SLC25A21: variants seen among roughly 807,000 people sequenced by gnomAD.
The protein encoded by SLC25A21 is solute carrier family 25 member 21, also known as mitochondrial 2-oxodicarboxylate carrier.
Under a neutral mutation model 43.8 loss-of-function variants are expected in SLC25A21, and 47 were observed. That is an observed-to-expected ratio of 1.07 (90% CI 0.85 to 1.37). The LOEUF (loss-of-function observed/expected upper bound fraction) is 1.37, where lower values mean the gene tolerates loss of function less well. SLC25A21 is among the 40% of genes most tolerant of loss of function. SLC25A21 has a pLI of 0.00. For synonymous variants in SLC25A21, 131 were observed against 121.3 expected (o/e 1.08, Z -0.52); for missense variants, 352 against 350.2 (o/e 1.00, Z -0.04).
At chr14:37,005,267 A>G (rs1006630763) in intron 1 of SLC25A21, among the ~76,000 whole-genome samples, 2 of 151,786 alleles carry the variant, frequency 1.3e-5, no homozygotes, top group African/African-American at 4.8e-5. Flanking sequence ...CAGAGAAACA[A>G]GCCCTTAGGA....
intron 1 of SLC25A21, among the ~76,000 whole-genome samples, chr14:37,108,633 T>C (rs1962959101): frequency 6.6e-6 from 1 of 151,936 alleles, no homozygotes. Context: ...GAGACCTTGC[T>C]GCTACAGTAA....
intron 2 of SLC25A21, among the ~76,000 whole-genome samples, chr14:36,836,664 T>C (rs1245550624): frequency 6.6e-6 from 1 of 152,014 alleles, no homozygotes; most frequent in East Asian, 1.9e-4. Context: ...ATGGTGGAGG[T>C]AGGCATCAGG....
intron 3 of SLC25A21, among the ~76,000 whole-genome samples, chr14:36,746,426 T>C (rs1399122353): frequency 6.6e-6 from 1 of 152,074 alleles, no homozygotes; most frequent in Non-Finnish European, 1.5e-5. Flanking sequence ...GAGTGTAGAA[T>C]AACAGATTTT....
At chr14:36,893,510 G>GAAA (rs1176267448) in intron 1 of SLC25A21, among the ~76,000 whole-genome samples, 1 of 152,096 alleles carries the variant, frequency 6.6e-6, no homozygotes, top group Non-Finnish European at 1.5e-5. Context: ...TCACTCTGAT[G>GAAA]GTAGTTTCTT....
intron 6 of SLC25A21, among the ~76,000 whole-genome samples, chr14:36,720,226 T>C (rs898321017): frequency 6.6e-6 from 1 of 152,260 alleles, no homozygotes; most frequent in African/African-American, 2.4e-5. Context: ...AAGTGTCATA[T>C]TGGCTACTGT....
intron 1 of SLC25A21, among the ~76,000 whole-genome samples, chr14:37,000,648 A>C (rs954536477): frequency 2.0e-5 from 3 of 152,162 alleles, no homozygotes; most frequent in African/African-American, 7.2e-5. Flanking sequence ...TGTCCCACCC[A>C]AATCTCATAT....
chr14:36,745,106 T>A (rs2139247889), intron 3 of SLC25A21, among the ~76,000 whole-genome samples: 1 of 151,966 alleles, frequency 6.6e-6, no homozygotes, highest in East Asian at 1.9e-4. Context: ...TTGTTTTCTG[T>A]CCCTGTGATA....
At chr14:36,905,563 A>G (rs17105665) in intron 1 of SLC25A21, among the ~76,000 whole-genome samples, 10,739 of 152,230 alleles carry the variant, frequency 0.071, 564 homozygotes, top group East Asian at 0.21. Context: ...AAAGTTCTCT[A>G]ATGAATAAAG....
intron 1 of SLC25A21, among the ~76,000 whole-genome samples, chr14:36,897,303 T>C (rs2138592036): frequency 6.6e-6 from 1 of 152,358 alleles, no homozygotes; most frequent in Admixed American, 6.5e-5. Context: ...CTTCCATCAC[T>C]GATACCCTTT....
chr14:37,042,571 A>G (rs1961496773), intron 1 of SLC25A21, among the ~76,000 whole-genome samples: 1 of 152,222 alleles, frequency 6.6e-6, no homozygotes, highest in African/African-American at 2.4e-5. Flanking sequence ...AAAATTTAAT[A>G]TGTAAAATAT....
At chr14:36,899,435 T>C (rs1891340549) in intron 1 of SLC25A21, among the ~76,000 whole-genome samples, 1 of 152,138 alleles carries the variant, frequency 6.6e-6, no homozygotes, top group South Asian at 2.1e-4. Flanking sequence ...ATTGACAAAA[T>C]GGCACCGTCT....
intron 1 of SLC25A21, among the ~76,000 whole-genome samples, chr14:36,955,782 T>C (rs1221192248): frequency 6.6e-6 from 1 of 152,176 alleles, no homozygotes; most frequent in Non-Finnish European, 1.5e-5. Flanking sequence ...TCTTGTGGAA[T>C]GATATCTGTG....
At chr14:36,866,738 T>A (rs1198812440) in intron 2 of SLC25A21, among the ~76,000 whole-genome samples, 1 of 152,204 alleles carries the variant, frequency 6.6e-6, no homozygotes, top group African/African-American at 2.4e-5. Flanking sequence ...TCTAGCCCCA[T>A]GTGGCTATGG....
intron 1 of SLC25A21, among the ~76,000 whole-genome samples, chr14:36,998,508 A>T (rs1960420457): frequency 1.3e-5 from 2 of 152,178 alleles, no homozygotes; most frequent in Admixed American, 1.3e-4. Flanking sequence ...GGCTGGTGCC[A>T]CTAAACTGGA....
At chr14:37,163,367 T>C (rs1963981579) in intron 1 of SLC25A21, among the ~76,000 whole-genome samples, 1 of 151,992 alleles carries the variant, frequency 6.6e-6, no homozygotes, top group Non-Finnish European at 1.5e-5. Flanking sequence ...TGCATTTTTC[T>C]GGTAACCCCA....
chr14:36,994,222 G>A (rs1310354312), intron 1 of SLC25A21, among the ~76,000 whole-genome samples: 1 of 152,142 alleles, frequency 6.6e-6, no homozygotes, highest in Non-Finnish European at 1.5e-5. Flanking sequence ...AATATGGAGA[G>A]AAGTCTAGAA....
At chr14:36,753,486 C>T (rs2139263822) in intron 3 of SLC25A21, among the ~76,000 whole-genome samples, 1 of 152,198 alleles carries the variant, frequency 6.6e-6, no homozygotes, top group East Asian at 1.9e-4. Flanking sequence ...GAATCTCAGC[C>T]ATCACTTTAT....
chr14:37,146,738 AT>A (rs1431405527), intron 1 of SLC25A21, among the ~76,000 whole-genome samples: 12 of 152,298 alleles, frequency 7.9e-5, no homozygotes, highest in African/African-American at 2.9e-4. Flanking sequence ...AAACTAGGGT[AT>A]TTTATTTTAA....
At chr14:37,048,440 G>T (rs992638189) in intron 1 of SLC25A21, among the ~76,000 whole-genome samples, 3 of 151,348 alleles carry the variant, frequency 2.0e-5, no homozygotes, top group African/African-American at 7.3e-5. Context: ...AGGGGAAGAG[G>T]CAGTACCAAA....
Sources: gnomAD v4.1 joint callset for allele counts (sites outside exome capture counted in the v4.1 genomes callset) on GRCh38, gnomAD v4.1.1 for gene constraint, MANE v1.5 for transcripts, NCBI Gene and HGNC (gene_info 2026-07-23, HGNC 2026-07-21) for gene names.